RIT2: variants seen among roughly 807,000 people sequenced by gnomAD.
RIT2 encodes the protein Ras like without CAAX 2, also known as GTP-binding protein Rit2.
RIT2 carries 24 observed loss-of-function variants against 23.7 expected under a neutral mutation model. The ratio of observed to expected loss-of-function variants is 1.01; its 90% CI spans 0.73 to 1.43. The LOEUF (loss-of-function observed/expected upper bound fraction) is 1.43, where lower values mean the gene tolerates loss of function less well. Among genes scored for constraint, RIT2 ranks in the 40% most tolerant of loss-of-function variants. The pLI is 0.00. For missense variants in RIT2, 236 were observed against 266.9 expected, an observed-to-expected ratio of 0.88 and a Z score of 0.81; for synonymous variants, 107 against 91.1, an observed-to-expected ratio of 1.17 and a Z score of -0.99.
intron 1 of RIT2, among the ~76,000 whole-genome samples, chr18:43,054,077 G>A (rs1048967790): frequency 1.3e-5 from 2 of 152,076 alleles, no homozygotes; most frequent in African/African-American, 4.8e-5. Flanking sequence ...ATTCCCCACT[G>A]AGAGGGGAAA....
intron 1 of RIT2, among the ~76,000 whole-genome samples, chr18:43,066,922 A>G (rs1912783999): frequency 6.6e-6 from 1 of 150,822 alleles, no homozygotes; most frequent in Non-Finnish European, 1.5e-5. Flanking sequence ...CAGCAACTAG[A>G]TCCCTGTGAT....
intron 4 of RIT2, among the ~76,000 whole-genome samples, chr18:42,881,831 A>G (rs1907903207): frequency 6.6e-6 from 1 of 152,162 alleles, no homozygotes; most frequent in Non-Finnish European, 1.5e-5. Flanking sequence ...ATTATATCTT[A>G]TTCATGTCCA....
chr18:42,822,102 G>T (rs1906168793), intron 4 of RIT2, among the ~76,000 whole-genome samples: 1 of 152,148 alleles, frequency 6.6e-6, no homozygotes, highest in African/African-American at 2.4e-5. Flanking sequence ...ATGCAGAGGA[G>T]ACAGTATGTG....
chr18:43,035,939 T>C (rs1407846657), intron 1 of RIT2, among the ~76,000 whole-genome samples: 1 of 152,234 alleles, frequency 6.6e-6, no homozygotes, highest in African/African-American at 2.4e-5. Context: ...TTAAGAATGA[T>C]TGATATCGCT....
intron 2 of RIT2, among the ~76,000 whole-genome samples, chr18:42,975,861 A>T (rs969192740): frequency 6.6e-6 from 1 of 152,100 alleles, no homozygotes; most frequent in Non-Finnish European, 1.5e-5. Flanking sequence ...TCTTGCTGAC[A>T]TCATGTACCC....
At chr18:43,085,066 G>A (rs890286322) in intron 1 of RIT2, among the ~76,000 whole-genome samples, 4 of 151,852 alleles carry the variant, frequency 2.6e-5, no homozygotes, top group Non-Finnish European at 5.9e-5. Flanking sequence ...AGAAGGAAGC[G>A]GGAGGCTTTT....
At chr18:42,968,837 A>G (rs1910296838) in intron 3 of RIT2, among the ~76,000 whole-genome samples, 1 of 152,218 alleles carries the variant, frequency 6.6e-6, no homozygotes, top group South Asian at 2.1e-4. Context: ...TTATAGTAAC[A>G]GGATACCTGT....
At chr18:42,930,525 G>A (rs1403875609) in intron 3 of RIT2, among the ~76,000 whole-genome samples, 2 of 152,040 alleles carry the variant, frequency 1.3e-5, no homozygotes. Context: ...TGATACCACT[G>A]CCTCGCCAAG....
chr18:42,940,236 CTATATATATA>C lies in RIT2; in HGVS notation c.235-16483_235-16474del, dbSNP rs5824460. 1.1e-3 allele frequency among the ~76,000 whole-genome samples: 96 copies of C among 86,960 alleles called. 4 individuals are homozygous for C. The highest frequency in any genetic ancestry group is 3.6e-3 in the African/African-American group (81 of 22,614). The allele number at this position is 86,960 out of a possible 152,430, so 57.0% of individuals were successfully genotyped here. On this transcript the variant is annotated intron_variant, in intron 3 of 4. Coordinates refer to ENST00000326695, the MANE Select transcript of RIT2 (RefSeq NM_002930.4). The stretch of plus-strand genomic sequence containing the variant: ...CCTCTCTCAAATTTTGAAAGGCTCA[CTATATATATA>C]TATATATATATATATATATATATGC...
At chr18:43,065,913 G>T (rs1598768757) in intron 1 of RIT2, among the ~76,000 whole-genome samples, 2 of 152,102 alleles carry the variant, frequency 1.3e-5, no homozygotes, top group South Asian at 2.1e-4. Flanking sequence ...AAAACACATG[G>T]TGAGGGTCTG....
At chr18:43,005,283 C>T (rs1911200523) in intron 2 of RIT2, among the ~76,000 whole-genome samples, 1 of 151,684 alleles carries the variant, frequency 6.6e-6, no homozygotes, top group Admixed American at 6.6e-5. Flanking sequence ...AGTTGATTTA[C>T]AAAAATAAAC....
chr18:43,016,180 C>T (rs544357756), intron 2 of RIT2, among the ~76,000 whole-genome samples: 4 of 151,976 alleles, frequency 2.6e-5, no homozygotes, highest in South Asian at 2.1e-4. Flanking sequence ...TTATTTATGA[C>T]TTTCACAGAT....
At chr18:42,884,452 A>T (rs887095426) in intron 4 of RIT2, among the ~76,000 whole-genome samples, 4 of 152,226 alleles carry the variant, frequency 2.6e-5, no homozygotes, top group African/African-American at 9.6e-5. Context: ...TTTCATGATG[A>T]TTGATAGATT....
In RIT2 at chr18:42,913,755, T is replaced by G. The variant is rs180796377; in HGVS notation, c.426+9817A>C. Among the ~76,000 whole-genome samples the G allele has an allele frequency of 1.2e-4, 18 of 152,052 alleles. No individual in the cohort carries two copies. In the East Asian group the frequency reaches 2.9e-3, roughly 25 times the overall value. ...CAAAGGATACAACATTTCAGCTAGT[T>G]AGGAGTAACAAGGACAAGTGATCTA... On this transcript the variant is annotated intron_variant, in intron 4 of 4. Coordinates refer to ENST00000326695, the MANE Select transcript of RIT2 (RefSeq NM_002930.4).
At chr18:43,010,401 A>G (rs1342979531) in intron 2 of RIT2, among the ~76,000 whole-genome samples, 2 of 151,816 alleles carry the variant, frequency 1.3e-5, no homozygotes, top group Non-Finnish European at 2.9e-5. Flanking sequence ...GCAAATTTTT[A>G]TTATTTGAAT....
intron 1 of RIT2, among the ~76,000 whole-genome samples, chr18:43,110,468 G>A (rs1051836051): frequency 3.3e-5 from 5 of 152,088 alleles, no homozygotes; most frequent in African/African-American, 7.2e-5. Context: ...ATTGAGGAAC[G>A]GCCTTGCTGT....
chr18:42,887,024 T>C lies in RIT2; in HGVS notation c.426+36548A>G, dbSNP rs557273819. The stretch of plus-strand genomic sequence containing the variant: ...GCCAAGGTCCCCCAAAATTATGAGG[T>C]GGACAGAGTACTTTTAGTAACAAAA... On this transcript the variant is annotated intron_variant, in intron 4 of 4. Coordinates refer to ENST00000326695, the MANE Select transcript of RIT2 (RefSeq NM_002930.4). Among the ~76,000 whole-genome samples the C allele has an allele frequency of 9.9e-5, 15 of 152,230 alleles. No homozygotes were observed. In the East Asian group the frequency reaches 2.9e-3, roughly 29 times the overall value.
chr18:42,760,691 A>T (rs2143899077), intron 4 of RIT2, among the ~76,000 whole-genome samples: 1 of 152,304 alleles, frequency 6.6e-6, no homozygotes, highest in Admixed American at 6.5e-5. Flanking sequence ...TCTAATACTC[A>T]ATGTCCTCAT....
intron 3 of RIT2, among the ~76,000 whole-genome samples, 158 bp from the exon 4 acceptor site, chr18:42,923,921 T>C (rs1376556686): frequency 6.6e-6 from 1 of 152,172 alleles, no homozygotes; most frequent in East Asian, 1.9e-4. Flanking sequence ...TAGAAAAACA[T>C]ATTAAACAGC....
Sources: gnomAD v4.1 joint callset for allele counts (sites outside exome capture counted in the v4.1 genomes callset) on GRCh38, gnomAD v4.1.1 for gene constraint, MANE v1.5 for transcripts, NCBI Gene and HGNC (gene_info 2026-07-23, HGNC 2026-07-21) for gene names.